PCDH9: variants seen among roughly 807,000 people sequenced by gnomAD.
PCDH9 encodes the protein protocadherin-9.
PCDH9 carries 24 observed loss-of-function variants against 70.6 expected under a neutral mutation model. The observed-to-expected ratio is 0.34, with a 90% CI of 0.25 to 0.48. The LOEUF (loss-of-function observed/expected upper bound fraction) is 0.48. Ranked by LOEUF, PCDH9 falls within the 20% of genes least tolerant of loss-of-function variation. The pLI is 0.99. For missense variants in PCDH9, 1,281 were observed against 1,503.6 expected (o/e 0.85, Z 2.45); for synonymous variants, 562 against 558.5 (o/e 1.01, Z -0.09).
At chr13:66,902,694 C>G (rs993846109) in intron 3 of PCDH9, among the ~76,000 whole-genome samples, 7 of 151,530 alleles carry the variant, frequency 4.6e-5, no homozygotes, top group African/African-American at 1.7e-4. Flanking sequence ...AAACATAATT[C>G]TTTAAAAATG....
intron 2 of PCDH9, among the ~76,000 whole-genome samples, chr13:67,167,270 G>T (rs2985919): frequency 2.6e-5 from 4 of 152,138 alleles, no homozygotes; most frequent in Non-Finnish European, 4.4e-5. Context: ...TAATAATTGC[G>T]TGCCTCTCAG....
intron 3 of PCDH9, among the ~76,000 whole-genome samples, chr13:66,677,394 A>T (rs1440125371): frequency 1.3e-5 from 2 of 152,102 alleles, no homozygotes; most frequent in Non-Finnish European, 2.9e-5. Flanking sequence ...GTATATAAAG[A>T]TGTTTAAAAG....
At chr13:67,072,920 A>C in intron 2 of PCDH9, among the ~76,000 whole-genome samples, 1 of 152,196 alleles carries the variant, frequency 6.6e-6, no homozygotes, top group Non-Finnish European at 1.5e-5. Context: ...TCAAAGGCTA[A>C]CAAATTTATT....
chr13:66,612,917 T>C (rs2077310362), intron 4 of PCDH9, among the ~76,000 whole-genome samples: 1 of 152,090 alleles, frequency 6.6e-6, no homozygotes, highest in Non-Finnish European at 1.5e-5. Context: ...TGAGACAAAG[T>C]ACCCCATCTT....
intron 4 of PCDH9, among the ~76,000 whole-genome samples, chr13:66,485,345 T>C (rs1467890737): frequency 6.6e-6 from 1 of 152,202 alleles, no homozygotes; most frequent in African/African-American, 2.4e-5. Flanking sequence ...TTGATATTTA[T>C]AAGCATTCTG....
chr13:66,951,718 C>T (rs866770178), intron 2 of PCDH9, among the ~76,000 whole-genome samples: 2 of 152,152 alleles, frequency 1.3e-5, no homozygotes, highest in African/African-American at 4.8e-5. Flanking sequence ...TTTGATGGTG[C>T]TATCTAGATT....
At chr13:66,900,282 G>A (rs2082255962) in intron 3 of PCDH9, among the ~76,000 whole-genome samples, 1 of 151,732 alleles carries the variant, frequency 6.6e-6, no homozygotes, top group Non-Finnish European at 1.5e-5. Flanking sequence ...CCCATCTGTA[G>A]AATAAGAATA....
intron 3 of PCDH9, among the ~76,000 whole-genome samples, chr13:66,672,085 A>G (rs2078182913): frequency 6.6e-6 from 1 of 152,178 alleles, no homozygotes; most frequent in Non-Finnish European, 1.5e-5. Flanking sequence ...CTGCTTGTGC[A>G]GTCTTGGGAC....
Position 67,226,520 on chromosome 13 carries a change from A to G in PCDH9, c.1921T>C (p.Tyr641His), listed in dbSNP as rs145913527. 1.2e-6 allele frequency: 2 copies of G among 1,613,968 alleles called. No individual in the cohort carries two copies. Among genetic ancestry groups the G allele is most frequent in the African/African-American group, 1.3e-5 (1 of 74,922 alleles). Residue 641 changes from tyrosine to histidine, a missense_variant, in exon 2 of 5, where the codon TAC (tyrosine) becomes CAC (histidine). Physicochemically the swap from Tyr to His is moderately conservative, Grantham distance 83. This residue lies in a region of PCDH9 where 798 missense variants were observed against 1,003.1 expected (regional missense o/e 0.80). Transcript: ENST00000377865. The surrounding 1 kb of genome is among the most constrained non-coding windows in gnomAD (Gnocchi z 5.0). ...TCAGTGGCTTTGACATCAAAAGTGT[A>G]GGAACTCTGCTGCTCTCTATCAAAT... ...VSFDREQQSS[Y>H]TFDVKATDGG...
Position 66,965,878 on chromosome 13 carries a change from T to C in PCDH9, c.3037-62273A>G, listed in dbSNP as rs569361431. 7.2e-5 allele frequency among the ~76,000 whole-genome samples: 11 copies of C among 152,072 alleles called. No homozygotes were observed. The South Asian group carries it at 2.3e-3, about 32-fold the overall frequency. ...TAAATTCTTATCTAAAAATATTTTA[T>C]ATATATTTCTTTAAAACATGCAAAT... On this transcript the variant is annotated intron_variant, in intron 2 of 4. Transcript: ENST00000377865.
chr13:66,454,319 G>T (rs1958274585), intron 4 of PCDH9, among the ~76,000 whole-genome samples: 1 of 152,106 alleles, frequency 6.6e-6, no homozygotes, highest in Non-Finnish European at 1.5e-5. Flanking sequence ...TTTATCCACT[G>T]TCACATTTTT....
chr13:66,891,555 A>T (rs1289977950), intron 3 of PCDH9, among the ~76,000 whole-genome samples: 1 of 152,114 alleles, frequency 6.6e-6, no homozygotes, highest in Non-Finnish European at 1.5e-5. Flanking sequence ...CTAAATACCT[A>T]TTGAGTCAAA....
intron 3 of PCDH9, among the ~76,000 whole-genome samples, chr13:66,673,509 T>C (rs1249022476): frequency 6.6e-6 from 1 of 151,672 alleles, no homozygotes; most frequent in Non-Finnish European, 1.5e-5. Flanking sequence ...AGAAGGAAGA[T>C]GATATGAGTG....
In PCDH9 at chr13:67,059,285, C is replaced by T. The variant is rs372731155; in HGVS notation, c.3037-155680G>A. Among the ~76,000 whole-genome samples the T allele has an allele frequency of 1.0e-3, 151 of 148,730 alleles. No homozygotes were observed. The Middle Eastern group carries it at 0.014, about 14-fold the overall frequency. The stretch of plus-strand genomic sequence containing the variant: ...GGACAAAGCACAAAGTTCATGATCT[C>T]GTGAATCTGACATTTCAATGGCGAG... On this transcript the variant is annotated intron_variant, in intron 2 of 4. Coordinates refer to ENST00000377865, the MANE Select transcript of PCDH9 (RefSeq NM_203487.3).
chr13:67,149,673 C>G (rs559408634), intron 2 of PCDH9, among the ~76,000 whole-genome samples: 15 of 151,880 alleles, frequency 9.9e-5, no homozygotes, highest in African/African-American at 2.7e-4. Context: ...TTTCAACTTC[C>G]ATGAAGAAAA....
At chr13:66,551,947 A>G (rs577749165) in intron 4 of PCDH9, among the ~76,000 whole-genome samples, 20 of 152,260 alleles carry the variant, frequency 1.3e-4, no homozygotes, top group African/African-American at 4.3e-4. Flanking sequence ...TTTTTGTATC[A>G]TTCATTACTA....
At chr13:66,841,579 T>C (rs1321011756) in intron 3 of PCDH9, among the ~76,000 whole-genome samples, 1 of 152,186 alleles carries the variant, frequency 6.6e-6, no homozygotes, top group Admixed American at 6.5e-5. Flanking sequence ...AGAATAATAA[T>C]AATTTTAAAA....
At chr13:66,694,481 G>C (rs1265963044) in intron 3 of PCDH9, among the ~76,000 whole-genome samples, 1 of 152,098 alleles carries the variant, frequency 6.6e-6, no homozygotes, top group African/African-American at 2.4e-5. Flanking sequence ...GCATTAATTT[G>C]TGGCTACTCT....
intron 4 of PCDH9, among the ~76,000 whole-genome samples, chr13:66,445,670 GTATACACATATATAATA>G (rs1172564572): frequency 6.7e-5 from 8 of 118,854 alleles, no homozygotes; most frequent in East Asian, 2.3e-4. Flanking sequence ...TATATATTAT[GTATACACATATATAATA>G]TATACACATA....
Sources: gnomAD v4.1 joint callset for allele counts (sites outside exome capture counted in the v4.1 genomes callset) on GRCh38, gnomAD v4.1.1 for gene constraint, gnomAD v4.1.1 regional missense constraint, Gnocchi (gnomAD v3.1) non-coding constraint, MANE v1.5 for transcripts, NCBI Gene and HGNC (gene_info 2026-07-23, HGNC 2026-07-21) for gene names.